CSNK1G3: variants seen among roughly 807,000 people sequenced by gnomAD.
CSNK1G3 encodes casein kinase I isoform gamma-3.
Under a neutral mutation model 64.3 loss-of-function variants are expected in CSNK1G3, and 23 were observed. The observed-to-expected ratio is 0.36, with a 90% CI of 0.26 to 0.51. The LOEUF (loss-of-function observed/expected upper bound fraction) is 0.51, where lower values mean the gene tolerates loss of function less well. Among genes scored for constraint, CSNK1G3 ranks in the 20% least tolerant of loss-of-function variants. The pLI is 0.96. For missense variants in CSNK1G3, 357 were observed against 510.5 expected, an observed-to-expected ratio of 0.70 and a Z score of 2.90; for synonymous variants, 158 against 162.2, an observed-to-expected ratio of 0.97 and a Z score of 0.20.
At chr5:123,577,664 T>G (rs1035002604) in intron 6 of CSNK1G3, among the ~76,000 whole-genome samples, 1 of 152,036 alleles carries the variant, frequency 6.6e-6, no homozygotes, top group African/African-American at 2.4e-5. Flanking sequence ...GATACCACTT[T>G]ATATAGCAAG....
At chr5:123,588,481 C>T in exon 8 of CSNK1G3, 1 of 1,611,472 alleles carries the variant, frequency 6.2e-7, no homozygotes, top group Non-Finnish European at 8.5e-7. Context: ...ACGGGCTACA[C>T]CAATAGAAGT....
At chr5:123,591,911 A>C (rs1194821365) in intron 10 of CSNK1G3, among the ~76,000 whole-genome samples, 1 of 152,124 alleles carries the variant, frequency 6.6e-6, no homozygotes, top group Non-Finnish European at 1.5e-5. Context: ...GACCCTGGGC[A>C]AATAAGTTAA....
exon 2 of CSNK1G3, chr5:123,545,696 A>G: frequency 2.5e-6 from 4 of 1,613,358 alleles, no homozygotes; most frequent in Non-Finnish European, 3.4e-6. Flanking sequence ...AGGACAAATC[A>G]GATGATAGAA....
intron 1 of CSNK1G3, among the ~76,000 whole-genome samples, chr5:123,542,477 T>C (rs1781828512): frequency 6.6e-6 from 1 of 152,214 alleles, no homozygotes; most frequent in Non-Finnish European, 1.5e-5. Context: ...CTATCTGATA[T>C]TATGTGATTT....
chr5:123,604,883 G>A, intron 11 of CSNK1G3, 53 bp downstream of exon 12: 2 of 1,332,688 alleles, frequency 1.5e-6, no homozygotes, highest in Non-Finnish European at 2.1e-6. Flanking sequence ...AATTATGCAT[G>A]CTTGAGATTT....
At chr5:123,530,932 A>G (rs560127658) in intron 1 of CSNK1G3, among the ~76,000 whole-genome samples, 3 of 152,308 alleles carry the variant, frequency 2.0e-5, no homozygotes, top group African/African-American at 7.2e-5. Context: ...TAACTGGGAC[A>G]CTTGCTGCTA....
chr5:123,536,558 G>A (rs2150151901), intron 1 of CSNK1G3, among the ~76,000 whole-genome samples: 1 of 151,644 alleles, frequency 6.6e-6, no homozygotes, highest in East Asian at 1.9e-4. Context: ...GGAGTATATT[G>A]AATGTTCCCA....
intron 4 of CSNK1G3, among the ~76,000 whole-genome samples, chr5:123,567,744 A>G (rs571746848): frequency 5.3e-4 from 80 of 152,378 alleles, no homozygotes; most frequent in Middle Eastern, 3.4e-3. Context: ...ATATTCCGTA[A>G]TATGGGTATG....
intron 6 of CSNK1G3, among the ~76,000 whole-genome samples, chr5:123,578,633 T>C (rs1331010333): frequency 6.6e-6 from 1 of 151,950 alleles, no homozygotes; most frequent in Non-Finnish European, 1.5e-5. Flanking sequence ...TATCAGTTTT[T>C]TTGTTTATGG....
chr5:123,551,271 C>T (rs1249727552), intron 2 of CSNK1G3, among the ~76,000 whole-genome samples: 1 of 152,116 alleles, frequency 6.6e-6, no homozygotes, highest in Non-Finnish European at 1.5e-5. Context: ...GCCAAGTTTA[C>T]TAGAGGAAAC....
chr5:123,579,294 T>G (rs1581244631), intron 6 of CSNK1G3, among the ~76,000 whole-genome samples: 2 of 141,822 alleles, frequency 1.4e-5, no homozygotes, highest in South Asian at 4.3e-4. Flanking sequence ...ATTTGCTGTT[T>G]TTTTTTTTTT....
chr5:123,531,367 C>T (rs1779913587), intron 1 of CSNK1G3, among the ~76,000 whole-genome samples: 1 of 151,928 alleles, frequency 6.6e-6, no homozygotes, highest in South Asian at 2.1e-4. Context: ...GGTCAGTTGG[C>T]TTTGTCAAGT....
chr5:123,595,732 C>G (rs1330581704), intron 10 of CSNK1G3, among the ~76,000 whole-genome samples: 1 of 152,030 alleles, frequency 6.6e-6, no homozygotes, highest in African/African-American at 2.4e-5. Flanking sequence ...AAAGCAGTCC[C>G]TTATTTATGA....
Position 123,556,418 on chromosome 5 carries a change from A to G in CSNK1G3, c.220-1077A>G, listed in dbSNP as rs1784630509. ...TCCTCCTGATACTGTTATCAAATCCATACTAAATCTTCTCACTGGATTGTC... is the reference window on the plus strand; with the variant it reads ...TCCTCCTGATACTGTTATCAAATCCGTACTAAATCTTCTCACTGGATTGTC... On this transcript the variant is annotated intron_variant, in intron 3 of 12. Transcript: ENST00000345990. 2.0e-5 allele frequency among the ~76,000 whole-genome samples: 3 copies of G among 151,968 alleles called. No individual in the cohort carries two copies. The South Asian group carries it at 6.2e-4, about 31-fold the overall frequency.
intron 10 of CSNK1G3, among the ~76,000 whole-genome samples, chr5:123,600,245 G>A (rs1794215251): frequency 6.6e-6 from 1 of 152,090 alleles, no homozygotes. Flanking sequence ...TATTAGATGA[G>A]AATTTGGCTA....
chr5:123,593,501 T>G (rs1792833288), intron 10 of CSNK1G3, among the ~76,000 whole-genome samples: 1 of 151,956 alleles, frequency 6.6e-6, no homozygotes, highest in Admixed American at 6.6e-5. Context: ...TACATGTAAT[T>G]GTTTATTTTC....
At position 123,604,718 on chromosome 5, in the gene CSNK1G3, A is replaced by G. The variant is rs114475286; in HGVS notation, c.1087-6A>G. The G allele has an allele frequency of 1.4e-3, 2,306 of 1,597,788 alleles. 30 individuals carry two copies. In the African/African-American group the frequency reaches 0.026, roughly 18 times the overall value. The stretch of plus-strand genomic sequence containing the variant: ...TACATATATAAAAAATTTTTTTTTC[A>G]AACAGGTTGTAAGTTCTACAAATGG... On this transcript the variant is annotated splice_region_variant and splice_polypyrimidine_tract_variant and intron_variant, in intron 10 of 12. Coordinates refer to ENST00000345990, the Ensembl canonical transcript of CSNK1G3.
chr5:123,593,996 G>A (rs1792935014), intron 10 of CSNK1G3, among the ~76,000 whole-genome samples: 1 of 152,048 alleles, frequency 6.6e-6, no homozygotes, highest in African/African-American at 2.4e-5. Context: ...TAAGGAGCTA[G>A]GTAGTATTAT....
At chr5:123,593,186 G>GGT (rs148381487) in intron 10 of CSNK1G3, among the ~76,000 whole-genome samples, 13,449 of 136,016 alleles carry the variant, frequency 0.099, 653 homozygotes, top group Admixed American at 0.13. Flanking sequence ...ATGTAGGGTG[G>GGT]GTGTGTGTGT....
Sources: gnomAD v4.1 joint callset for allele counts (sites outside exome capture counted in the v4.1 genomes callset) on GRCh38, gnomAD v4.1.1 for gene constraint, MANE v1.5 for transcripts, NCBI Gene and HGNC (gene_info 2026-07-23, HGNC 2026-07-21) for gene names.